PCDH15: variants seen among roughly 807,000 people sequenced by gnomAD.
PCDH15 encodes the protein protocadherin-15.
A neutral mutation model predicts 178.5 loss-of-function variants in PCDH15; 129 were observed. That is an observed-to-expected ratio of 0.72 (90% CI 0.63 to 0.84). The LOEUF (loss-of-function observed/expected upper bound fraction) is 0.84. Among genes scored for constraint, PCDH15 ranks in the 40% least tolerant of loss-of-function variants. The pLI is 0.00. For synonymous variants in PCDH15, 800 were observed against 732.0 expected, an observed-to-expected ratio of 1.09 and a Z score of -1.50; for missense variants, 2,230 against 2,099.9, an observed-to-expected ratio of 1.06 and a Z score of -1.21.
intron 1 of PCDH15, among the ~76,000 whole-genome samples, chr10:55,295,985 G>T (rs868391504): frequency 6.6e-6 from 1 of 152,074 alleles, no homozygotes; most frequent in African/African-American, 2.4e-5. Context: ...GTAAATTAGG[G>T]GTTCCCACAA....
chr10:55,406,943 T>C (rs996322936), intron 2 of PCDH15, among the ~76,000 whole-genome samples: 4 of 152,194 alleles, frequency 2.6e-5, no homozygotes, highest in African/African-American at 9.6e-5. Context: ...AGTAATTCTT[T>C]TTTTAAAAAA....
chr10:55,367,583 G>GAAAAC lies in PCDH15; in HGVS notation c.-155-200937_-155-200933dup, dbSNP rs529336336. ...GCAAAATAGTGAGACCCTCTCTCAAGAAAACAAAACAAAACAAAACAAACA... is the reference window on the plus strand; with the variant it reads ...GCAAAATAGTGAGACCCTCTCTCAAGAAAACAAAACAAAACAAAACAAAACAAACA... On this transcript the variant is annotated intron_variant, in intron 2 of 5. Coordinates refer to the PCDH15 transcript ENST00000613346. 6.5e-3 allele frequency among the ~76,000 whole-genome samples: 991 copies of GAAAAC among 151,708 alleles called. 16 individuals carry two copies. Among genetic ancestry groups the GAAAAC allele is most frequent in the African/African-American group, 0.021 (886 of 41,384 alleles).
intron 15 of PCDH15, among the ~76,000 whole-genome samples, chr10:54,106,451 C>T (rs1436783706): frequency 2.6e-5 from 4 of 152,130 alleles, no homozygotes; most frequent in Non-Finnish European, 5.9e-5. Flanking sequence ...AGTGTCAGGT[C>T]ATGGGATGTC....
In PCDH15 at chr10:55,204,212, G is replaced by C. The variant is rs556000155; in HGVS notation, c.-155-37561C>G. Among the ~76,000 whole-genome samples the C allele has an allele frequency of 6.4e-4, 95 of 147,352 alleles. 1 individual carries two copies. In the South Asian group the frequency reaches 0.02, roughly 31 times the overall value. ...ATTTTACATATTTAATATACTCAAG[G>C]GTTTTAAATATTTAATATATTCAAG... On this transcript the variant is annotated intron_variant, in intron 1 of 5. Transcript: ENST00000458638.
At chr10:55,411,021 T>A (rs1351989316) in intron 2 of PCDH15, among the ~76,000 whole-genome samples, 1 of 152,010 alleles carries the variant, frequency 6.6e-6, no homozygotes, top group African/African-American at 2.4e-5. Flanking sequence ...GCAATTTTAA[T>A]AAAATTGGGA....
At chr10:54,393,447 T>C (rs1016400808) in intron 3 of PCDH15, among the ~76,000 whole-genome samples, 12 of 152,194 alleles carry the variant, frequency 7.9e-5, no homozygotes, top group Admixed American at 1.3e-4. Context: ...ATAGTTGCCA[T>C]GAAAAATAGT....
chr10:54,230,360 A>G (rs186795912), intron 9 of PCDH15, among the ~76,000 whole-genome samples: 10 of 152,272 alleles, frequency 6.6e-5, no homozygotes, highest in Admixed American at 6.5e-4. Flanking sequence ...AAACAAAAGA[A>G]AATATAAACA....
chr10:55,135,315 G>A (rs776815536), intron 2 of PCDH15, among the ~76,000 whole-genome samples: 12 of 151,856 alleles, frequency 7.9e-5, no homozygotes, highest in South Asian at 2.1e-4. Flanking sequence ...CTCCATCTTC[G>A]CCTCTGCCTT....
intron 9 of PCDH15, among the ~76,000 whole-genome samples, chr10:54,216,329 G>A (rs2052060917): frequency 1.3e-5 from 2 of 152,126 alleles, no homozygotes; most frequent in East Asian, 2.0e-4. Flanking sequence ...GATGGCGCAC[G>A]CCTGTAATCC....
chr10:54,594,516 G>C (rs978010687), intron 2 of PCDH15, among the ~76,000 whole-genome samples: 17 of 152,232 alleles, frequency 1.1e-4, no homozygotes, highest in Admixed American at 1.1e-3. Flanking sequence ...TCCTGCACTG[G>C]TGGACTGCAG....
intron 5 of PCDH15, among the ~76,000 whole-genome samples, chr10:54,350,522 G>A (rs1944000331): frequency 6.6e-6 from 1 of 152,196 alleles, no homozygotes; most frequent in African/African-American, 2.4e-5. Flanking sequence ...GTTCACATAT[G>A]AGATAGGGTT....
chr10:53,967,737 T>A (rs979572335), intron 21 of PCDH15, among the ~76,000 whole-genome samples: 1 of 152,316 alleles, frequency 6.6e-6, no homozygotes, highest in East Asian at 1.9e-4. Flanking sequence ...AAAATCAATA[T>A]GAAAATTTTA....
intron 1 of PCDH15, among the ~76,000 whole-genome samples, chr10:54,702,855 ATGAGTCATGCATCATTC>A (rs1334351403): frequency 4.6e-5 from 7 of 152,048 alleles, no homozygotes; most frequent in African/African-American, 1.7e-4. Flanking sequence ...CACTGATTCT[ATGAGTCATGCATCATTC>A]TGATATCAAA....
chr10:54,672,044 C>T (rs1016334597), intron 1 of PCDH15, among the ~76,000 whole-genome samples: 4 of 152,064 alleles, frequency 2.6e-5, no homozygotes, highest in Non-Finnish European at 5.9e-5. Flanking sequence ...CTATTGTGAA[C>T]TGCACATACA....
chr10:54,381,721 C>G (rs1189079525), intron 3 of PCDH15, among the ~76,000 whole-genome samples: 1 of 151,980 alleles, frequency 6.6e-6, no homozygotes, highest in Non-Finnish European at 1.5e-5. Flanking sequence ...GCCTGTCTTG[C>G]AGAATAGGTA....
chr10:55,437,198 G>T (rs1839061835), intron 2 of PCDH15, among the ~76,000 whole-genome samples: 1 of 129,792 alleles, frequency 7.7e-6, no homozygotes, highest in African/African-American at 3.0e-5. Context: ...AGAGGAAGCA[G>T]GAGACAAAAG....
chr10:55,070,137 C>T (rs1841691387), intron 2 of PCDH15, among the ~76,000 whole-genome samples: 1 of 150,672 alleles, frequency 6.6e-6, no homozygotes, highest in South Asian at 2.1e-4. Flanking sequence ...TTGTTTTTTT[C>T]TTGTAAATTT....
intron 14 of PCDH15, among the ~76,000 whole-genome samples, chr10:54,145,306 T>C (rs1030935944): frequency 1.7e-4 from 26 of 152,208 alleles, no homozygotes; most frequent in African/African-American, 6.3e-4. Context: ...TGTCAATATG[T>C]GCTACAAGGA....
intron 25 of PCDH15, among the ~76,000 whole-genome samples, chr10:53,924,525 A>G (rs1215766073): frequency 6.6e-6 from 1 of 152,164 alleles, no homozygotes; most frequent in Non-Finnish European, 1.5e-5. Flanking sequence ...GCTCTGTGGC[A>G]CCTGGTCCCA....
Sources: allele counts gnomAD v4.1 joint callset (sites outside exome capture counted in the v4.1 genomes callset), GRCh38; gene constraint gnomAD v4.1.1; transcripts MANE v1.5; gene names NCBI Gene and HGNC (gene_info 2026-07-23, HGNC 2026-07-21).